Variants in ASIC2 observed in about 807,000 individuals in gnomAD.
The protein encoded by ASIC2 is acid sensing ion channel subunit 2.
In ASIC2, 25 loss-of-function variants were observed where a neutral mutation model predicts 57.3. That is an observed-to-expected ratio of 0.44 (90% CI 0.32 to 0.61). The LOEUF (loss-of-function observed/expected upper bound fraction) is 0.61. Ranked by LOEUF, ASIC2 falls within the 20% of genes least tolerant of loss-of-function variation. The pLI, the probability that ASIC2 is intolerant of heterozygous loss-of-function variation, is 0.06. For missense variants in ASIC2, 641 were observed against 738.1 expected, an observed-to-expected ratio of 0.87 and a Z score of 1.52; for synonymous variants, 319 against 307.5, an observed-to-expected ratio of 1.04 and a Z score of -0.39.
chr17:33,088,460 G>A (rs963069176), intron 3 of ASIC2, among the ~76,000 whole-genome samples: 1 of 152,042 alleles, frequency 6.6e-6, no homozygotes, highest in Non-Finnish European at 1.5e-5. Context: ...GGAGAGGGAC[G>A]CCTCCACCCC....
At chr17:34,144,015 C>T (rs1328200898) in intron 1 of ASIC2, among the ~76,000 whole-genome samples, 1 of 152,150 alleles carries the variant, frequency 6.6e-6, no homozygotes, top group Non-Finnish European at 1.5e-5. Context: ...GATCAAATAG[C>T]ATCTTAGAAA....
At chr17:33,346,493 A>G (rs374251487) in intron 1 of ASIC2, among the ~76,000 whole-genome samples, 1 of 151,812 alleles carries the variant, frequency 6.6e-6, no homozygotes, top group African/African-American at 2.4e-5. Flanking sequence ...TGTATATGAA[A>G]ATGCGTGGGT....
At chr17:33,986,162 T>C (rs1346834961) in intron 1 of ASIC2, among the ~76,000 whole-genome samples, 1 of 152,080 alleles carries the variant, frequency 6.6e-6, no homozygotes, top group Non-Finnish European at 1.5e-5. Flanking sequence ...TGCTTATTGT[T>C]TGTCTTTTCC....
At chr17:33,637,395 T>C (rs1261855812) in intron 1 of ASIC2, among the ~76,000 whole-genome samples, 1 of 151,878 alleles carries the variant, frequency 6.6e-6, no homozygotes, top group African/African-American at 2.4e-5. Context: ...TATGTCCACA[T>C]ACAAAGGATG....
chr17:33,408,623 C>T (rs144015531), intron 1 of ASIC2, among the ~76,000 whole-genome samples: 4 of 152,244 alleles, frequency 2.6e-5, no homozygotes, highest in African/African-American at 9.6e-5. Flanking sequence ...CTTTTCTCCC[C>T]TTTCTCCACT....
chr17:33,916,748 C>A (rs1915593580), intron 1 of ASIC2, among the ~76,000 whole-genome samples: 3 of 152,130 alleles, frequency 2.0e-5, no homozygotes, highest in Non-Finnish European at 4.4e-5. Context: ...GGACTGACAG[C>A]AAAGAGATGC....
intron 1 of ASIC2, among the ~76,000 whole-genome samples, chr17:33,587,958 C>A (rs1904694576): frequency 6.6e-6 from 1 of 152,190 alleles, no homozygotes; most frequent in Admixed American, 6.5e-5. Context: ...AACAGTCTCA[C>A]TTGATTCAGA....
intron 1 of ASIC2, among the ~76,000 whole-genome samples, chr17:33,725,813 A>C (rs1164953206): frequency 6.7e-6 from 1 of 150,270 alleles, no homozygotes; most frequent in Non-Finnish European, 1.5e-5. Flanking sequence ...GAGGGATTCC[A>C]AAGTGGGTCT....
chr17:33,513,225 T>C (rs901607739), intron 1 of ASIC2, among the ~76,000 whole-genome samples: 24 of 152,250 alleles, frequency 1.6e-4, no homozygotes, highest in African/African-American at 5.5e-4. Flanking sequence ...TTTATTTTCA[T>C]TAAATCACTC....
At chr17:33,579,286 C>CAG (rs1555545119) in intron 1 of ASIC2, among the ~76,000 whole-genome samples, 4 of 103,688 alleles carry the variant, frequency 3.9e-5, no homozygotes, top group African/African-American at 1.5e-4. Flanking sequence ...AACTGTGTCT[C>CAG]AAAAAAAAAA....
At chr17:33,734,370 TG>T (rs1427845541) in intron 1 of ASIC2, among the ~76,000 whole-genome samples, 1 of 152,184 alleles carries the variant, frequency 6.6e-6, no homozygotes, top group Non-Finnish European at 1.5e-5. Flanking sequence ...TCCCGTGCTC[TG>T]TCTTCCACTT....
intron 1 of ASIC2, among the ~76,000 whole-genome samples, chr17:33,180,820 T>G (rs1273275163): frequency 2.6e-5 from 4 of 152,134 alleles, no homozygotes; most frequent in African/African-American, 9.7e-5. Context: ...TTTGGAGTTC[T>G]GTGGCATGTT....
chr17:33,268,372 T>A (rs1909557712), intron 1 of ASIC2, among the ~76,000 whole-genome samples: 1 of 151,792 alleles, frequency 6.6e-6, no homozygotes, highest in Non-Finnish European at 1.5e-5. Flanking sequence ...CATCCATCCA[T>A]CCATCCATCC....
chr17:33,446,834 G>A (rs553232024), intron 1 of ASIC2, among the ~76,000 whole-genome samples: 2 of 152,178 alleles, frequency 1.3e-5, no homozygotes, highest in Non-Finnish European at 2.9e-5. Context: ...TCTTGGCGCT[G>A]CCTCTTAGTC....
intron 1 of ASIC2, among the ~76,000 whole-genome samples, chr17:33,962,706 C>T (rs1267753008): frequency 2.0e-5 from 3 of 152,146 alleles, no homozygotes; most frequent in Non-Finnish European, 4.4e-5. Context: ...CGGGCCACTG[C>T]CTGCACTGTC....
At chr17:33,875,402 CT>C (rs1178617762) in intron 1 of ASIC2, among the ~76,000 whole-genome samples, 1 of 152,182 alleles carries the variant, frequency 6.6e-6, no homozygotes, top group African/African-American at 2.4e-5. Context: ...ACATTATAAA[CT>C]ATGTAGTTGC....
intron 1 of ASIC2, among the ~76,000 whole-genome samples, chr17:34,133,469 G>A (rs1036063558): frequency 3.3e-5 from 5 of 152,240 alleles, no homozygotes; most frequent in Admixed American, 2.6e-4. Context: ...CAGAACATCA[G>A]TGCATTCTCC....
At chr17:33,604,730 G>A (rs999412080) in intron 1 of ASIC2, among the ~76,000 whole-genome samples, 1 of 152,150 alleles carries the variant, frequency 6.6e-6, no homozygotes, top group African/African-American at 2.4e-5. Context: ...CCGCTAAAAG[G>A]AGAGGATGGA....
intron 1 of ASIC2, among the ~76,000 whole-genome samples, chr17:33,162,413 G>A (rs1905188825): frequency 1.3e-5 from 2 of 152,204 alleles, no homozygotes; most frequent in Admixed American, 1.3e-4. Flanking sequence ...TTTCTTTCAA[G>A]TGATATCAGA....
Sources: gnomAD v4.1 joint callset for allele counts (sites outside exome capture counted in the v4.1 genomes callset) on GRCh38, gnomAD v4.1.1 for gene constraint, MANE v1.5 for transcripts, NCBI Gene and HGNC (gene_info 2026-07-23, HGNC 2026-07-21) for gene names.